Variants in RPL39L observed in about 807,000 individuals in gnomAD.
The protein encoded by RPL39L is ribosomal protein L39 like, also known as ribosomal protein eL39-like 2.
For synonymous variants in RPL39L, 16 were observed against 20.1 expected, an observed-to-expected ratio of 0.80 and a Z score of 0.55; for missense variants, 48 against 58.9, an observed-to-expected ratio of 0.81 and a Z score of 0.61.
intron 1 of RPL39L, among the ~76,000 whole-genome samples, chr3:187,128,986 C>T (rs1720443626): frequency 6.6e-6 from 1 of 152,200 alleles, no homozygotes; most frequent in Admixed American, 6.5e-5. Context: ...GCACCCATCC[C>T]TTACAACGTC....
chr3:187,129,082 A>G (rs972918880), intron 1 of RPL39L, among the ~76,000 whole-genome samples: 1 of 152,258 alleles, frequency 6.6e-6, no homozygotes, highest in Non-Finnish European at 1.5e-5. Context: ...CAAGACAGTG[A>G]TGATAGCTTA....
chr3:187,131,811 G>A (rs983704366), intron 1 of RPL39L, among the ~76,000 whole-genome samples: 1 of 152,120 alleles, frequency 6.6e-6, no homozygotes, highest in Admixed American at 6.5e-5. Context: ...GGTCTTAGCT[G>A]TTATTTTTAT....
chr3:187,126,792 A>G (rs1474340340), intron 2 of RPL39L, among the ~76,000 whole-genome samples: 1 of 152,198 alleles, frequency 6.6e-6, no homozygotes. Context: ...AGCATTTCAG[A>G]GTACAGGGGA....
At chr3:187,133,827 A>G (rs1720526842) in intron 1 of RPL39L, among the ~76,000 whole-genome samples, 1 of 152,214 alleles carries the variant, frequency 6.6e-6, no homozygotes, top group South Asian at 2.1e-4. Flanking sequence ...CTGGTAGTGT[A>G]CTGAAGATGG....
chr3:187,121,291 G>C lies in RPL39L; in HGVS notation c.10C>G (p.His4Asp). MSS[H>D]KTFTIKRFLA... ...AATCGCTTAATGGTGAAAGTCTTGT[G>C]AGAAGACATGGCGAGAAACAGAGTC... The change falls in exon 3 of 3, where the codon CAC (histidine) becomes GAC (aspartate). Residue 4 changes from histidine to aspartate, a missense_variant. Transcript: ENST00000296277. The C allele has an allele frequency of 1.2e-6, 2 of 1,614,032 alleles. No individual in the cohort carries two copies. The highest frequency in any genetic ancestry group is 1.7e-6 in the Non-Finnish European group (2 of 1,179,914).
chr3:187,132,967 T>A (rs1186181633), intron 1 of RPL39L, among the ~76,000 whole-genome samples: 1 of 152,136 alleles, frequency 6.6e-6, no homozygotes, highest in African/African-American at 2.4e-5. Flanking sequence ...AGAAGAGACA[T>A]CAAGTACCTC....
chr3:187,136,031 A>G (rs905424735), intron 1 of RPL39L, among the ~76,000 whole-genome samples: 4 of 152,258 alleles, frequency 2.6e-5, no homozygotes, highest in Non-Finnish European at 4.4e-5. Flanking sequence ...TCCAGTACAC[A>G]CTGATGTAAA....
intron 1 of RPL39L, among the ~76,000 whole-genome samples, chr3:187,135,914 A>G (rs929711336): frequency 1.3e-5 from 2 of 152,256 alleles, no homozygotes; most frequent in Non-Finnish European, 2.9e-5. Flanking sequence ...GAGACAGAGC[A>G]AGAGAGATGC....
intron 2 of RPL39L, among the ~76,000 whole-genome samples, chr3:187,123,199 A>C (rs1326449423): frequency 6.6e-6 from 1 of 152,226 alleles, no homozygotes; most frequent in Admixed American, 6.5e-5. Flanking sequence ...TTTCAGGAGC[A>C]GGAGACTTTA....
chr3:187,131,200 G>A (rs562624775), intron 1 of RPL39L, among the ~76,000 whole-genome samples: 2 of 152,264 alleles, frequency 1.3e-5, no homozygotes, highest in African/African-American at 4.8e-5. Flanking sequence ...CTGGAGGGCC[G>A]GGCACAGTGG....
intron 2 of RPL39L, among the ~76,000 whole-genome samples, chr3:187,127,168 G>A (rs189612658): frequency 6.4e-4 from 97 of 152,234 alleles, no homozygotes; most frequent in Non-Finnish European, 1.2e-3. Context: ...AATAGAAAGA[G>A]ATCATTAGAA....
intron 2 of RPL39L, among the ~76,000 whole-genome samples, chr3:187,122,562 G>C (rs1720331558): frequency 6.6e-6 from 1 of 151,996 alleles, no homozygotes. Flanking sequence ...TTCTATGTCT[G>C]GCATCTCCCC....
At chr3:187,121,725 T>A (rs1253087126) in intron 2 of RPL39L, among the ~76,000 whole-genome samples, 1 of 152,160 alleles carries the variant, frequency 6.6e-6, no homozygotes, top group Non-Finnish European at 1.5e-5. Flanking sequence ...AAAACTATTA[T>A]CCCATCTAGC....
At chr3:187,125,551 C>T (rs1365726810) in intron 2 of RPL39L, among the ~76,000 whole-genome samples, 1 of 151,820 alleles carries the variant, frequency 6.6e-6, no homozygotes, top group African/African-American at 2.4e-5. Flanking sequence ...CTGTTGACCA[C>T]TACCTCTTCC....
intron 2 of RPL39L, among the ~76,000 whole-genome samples, chr3:187,121,643 T>C (rs1720311469): frequency 1.3e-5 from 2 of 152,162 alleles, no homozygotes; most frequent in Admixed American, 1.3e-4. Context: ...GGAATTATTT[T>C]CAACTTTAAA....
rs1720426722 is a variant in RPL39L, at chr3:187,128,020, T to C, written c.-50A>G. The C allele has an allele frequency of 6.6e-6, 1 of 152,220 alleles. No homozygotes were observed. The highest frequency in any genetic ancestry group is 2.4e-5 in the African/African-American group (1 of 41,456). The allele number at this position is 152,220 out of a possible 1,614,324, so 9.4% of individuals were successfully genotyped here. ...CTACCTTTTTCAAGTCTGAATTTCC[T>C]ACTCCAAAGAGGCAAAGATGCTTGC... On this transcript the variant is annotated 5_prime_UTR_variant, in exon 2 of 3. Transcript: ENST00000296277.
rs552391416 is a variant in RPL39L, at chr3:187,136,440, A to C, written c.-93+2773T>G. ...CCAAAGCAGTAGAGATAGGTCTGCC[A>C]GCAACTGAGTTGGTTCTAATGCAAC... On this transcript the variant is annotated intron_variant, in intron 1 of 2. Transcript: ENST00000296277. 2.0e-5 allele frequency among the ~76,000 whole-genome samples: 3 copies of C among 152,392 alleles called. No homozygotes were observed. The East Asian group carries it at 5.8e-4, about 29-fold the overall frequency.
intron 1 of RPL39L, among the ~76,000 whole-genome samples, chr3:187,132,806 G>A (rs1401908661): frequency 1.3e-5 from 2 of 152,178 alleles, no homozygotes; most frequent in Non-Finnish European, 2.9e-5. Flanking sequence ...TTCCCAGTAT[G>A]AGAACTAAAA....
chr3:187,135,766 A>G (rs1247440418), intron 1 of RPL39L, among the ~76,000 whole-genome samples: 2 of 152,234 alleles, frequency 1.3e-5, no homozygotes, highest in Non-Finnish European at 2.9e-5. Flanking sequence ...GGAATACCTG[A>G]GGCTGGGCAA....
Sources: gnomAD v4.1 joint callset for allele counts (sites outside exome capture counted in the v4.1 genomes callset) on GRCh38, gnomAD v4.1.1 for gene constraint, MANE v1.5 for transcripts, NCBI Gene and HGNC (gene_info 2026-07-23, HGNC 2026-07-21) for gene names.